RTN3: variants seen among roughly 807,000 people sequenced by gnomAD.
RTN3 encodes reticulon 3, also known as reticulon-3.
A neutral mutation model predicts 77.8 loss-of-function variants in RTN3; 49 were observed. The ratio of observed to expected loss-of-function variants is 0.63; its 90% confidence interval spans 0.50 to 0.80. The LOEUF (loss-of-function observed/expected upper bound fraction) is 0.80. Ranked by LOEUF, RTN3 falls within the 30% of genes least tolerant of loss-of-function variation. RTN3 has a pLI of 0.00. For synonymous variants in RTN3, 464 were observed against 446.9 expected, an observed-to-expected ratio of 1.04 and a Z score of -0.48; for missense variants, 1,236 against 1,211.9, an observed-to-expected ratio of 1.02 and a Z score of -0.29.
At chr11:63,749,949 G>T (rs771298758) in intron 3 of RTN3, 42 bp from the exon 4 acceptor site, 1 of 1,415,878 alleles carries the variant, frequency 7.1e-7, no homozygotes, top group Admixed American at 1.7e-5. Context: ...CATAGTAGCT[G>T]TGGATGTTTC....
chr11:63,752,939 A>G, intron 5 of RTN3, 130 bp from the exon 6 acceptor site: 1 of 936,820 alleles, frequency 1.1e-6, no homozygotes, highest in Non-Finnish European at 1.7e-6. Context: ...GGGAACCTTC[A>G]TTTGGAAATT....
intron 2 of RTN3, chr11:63,714,251 A>G (rs557999720): frequency 3.4e-5 from 12 of 349,358 alleles, no homozygotes; most frequent in Middle Eastern, 1.1e-3. Flanking sequence ...ACAGATGATG[A>G]TGCTACCTTA....
chr11:63,698,341 G>T (rs1942069265), intron 1 of RTN3, among the ~76,000 whole-genome samples: 2 of 151,974 alleles, frequency 1.3e-5, no homozygotes, highest in East Asian at 3.9e-4. Flanking sequence ...GCCCAGGCTG[G>T]TCTCAAACTG....
chr11:63,727,593 T>G (rs968533385), intron 3 of RTN3, among the ~76,000 whole-genome samples: 1 of 152,188 alleles, frequency 6.6e-6, no homozygotes, highest in African/African-American at 2.4e-5. Context: ...GTGAACTTGA[T>G]AGCATACTAA....
chr11:63,719,836 A>T lies in RTN3; in HGVS notation c.1334A>T (p.Asp445Val). 1 of 1,614,170 alleles carries T rather than the reference A, an allele frequency of 6.2e-7. No individual in the cohort carries two copies. The highest frequency in any genetic ancestry group is 8.5e-7 in the Non-Finnish European group (1 of 1,180,022). The change falls in exon 3 of 9, where the codon GAC becomes GTC. Residue 445 changes from aspartate (D) to valine (V), a missense_variant. Asp to Val is a radical substitution (Grantham distance 152, BLOSUM62 -3). Around this residue, in one of 3 missense-constraint regions of RTN3, gnomAD observed 1,056 missense variants for 990.4 expected, o/e 1.07. Coordinates refer to ENST00000377819, the MANE Select transcript of RTN3 (RefSeq NM_001265589.2). ...CAAGGCAATATGCAGAAACAGGATGACACACTTGCAGAATTACCTGGATCT... is the reference window on the plus strand; with the variant it reads ...CAAGGCAATATGCAGAAACAGGATGTCACACTTGCAGAATTACCTGGATCT... Reference protein sequence around the residue: ...GVQGNMQKQDDTLAELPGSPP... With the variant: ...GVQGNMQKQDVTLAELPGSPP...
intron 3 of RTN3, among the ~76,000 whole-genome samples, chr11:63,735,550 T>C (rs1014483495): frequency 2.6e-4 from 11 of 42,684 alleles, no homozygotes; most frequent in Non-Finnish European, 4.2e-4. Context: ...ATTCTAACAT[T>C]TCTCTCTCTC....
intron 3 of RTN3, among the ~76,000 whole-genome samples, chr11:63,745,626 C>T (rs977881705): frequency 2.5e-4 from 38 of 152,162 alleles, no homozygotes; most frequent in Admixed American, 2.4e-3. Context: ...TATCCCAGAC[C>T]ATAATTCCAC....
intron 8 of RTN3, among the ~76,000 whole-genome samples, chr11:63,756,954 G>A (rs941544942): frequency 6.6e-6 from 1 of 152,228 alleles, no homozygotes; most frequent in Non-Finnish European, 1.5e-5. Flanking sequence ...GCTGAGGAGG[G>A]AGAATTGCTT....
At chr11:63,709,524 C>A (rs2134754098) in intron 2 of RTN3, among the ~76,000 whole-genome samples, 1 of 151,926 alleles carries the variant, frequency 6.6e-6, no homozygotes, top group Admixed American at 6.6e-5. Context: ...GAAGTTACAA[C>A]CCTGAACTTT....
At chr11:63,724,964 GT>G (rs1234985167) in intron 3 of RTN3, among the ~76,000 whole-genome samples, 208 of 125,960 alleles carry the variant, frequency 1.7e-3, no homozygotes, top group Middle Eastern at 3.9e-3. Flanking sequence ...TTAAAGTTTT[GT>G]TTTTTTTTTT....
chr11:63,692,814 TTTTC>T (rs200491042), intron 1 of RTN3, among the ~76,000 whole-genome samples: 1,677 of 152,192 alleles, frequency 0.011, 31 homozygotes, highest in African/African-American at 0.037. Flanking sequence ...ACCACTTTGG[TTTTC>T]TTTTTTGCAT....
intron 7 of RTN3, among the ~76,000 whole-genome samples, chr11:63,754,152 T>A (rs903907349): frequency 1.3e-5 from 2 of 151,838 alleles, no homozygotes; most frequent in African/African-American, 4.8e-5. Flanking sequence ...TGCAGTGGCC[T>A]GCACCTGTAG....
chr11:63,711,012 C>G (rs933293953), intron 2 of RTN3, among the ~76,000 whole-genome samples: 25 of 152,230 alleles, frequency 1.6e-4, no homozygotes, highest in Middle Eastern at 3.4e-3. Context: ...GGTGTGGTGG[C>G]TCACATCTGT....
chr11:63,734,970 T>C (rs369009235), intron 3 of RTN3, among the ~76,000 whole-genome samples: 28 of 152,274 alleles, frequency 1.8e-4, no homozygotes, highest in African/African-American at 6.0e-4. Context: ...GGGATAGATA[T>C]TAGGTTGATA....
chr11:63,752,610 C>G lies in RTN3; in HGVS notation c.2842C>G (p.Leu948Val). 4.3e-6 allele frequency: 7 copies of G among 1,614,012 alleles called. No individual in the cohort carries two copies. Among genetic ancestry groups the G allele is most frequent in the Non-Finnish European group, 5.9e-6 (7 of 1,179,950 alleles). The change falls in exon 5 of 9, where the codon CTC (leucine) becomes GTC (valine). Residue 948 changes from leucine to valine, a missense_variant. Transcript: ENST00000377819. ...CAGGGCCCTGAAACTCATTATTCGT[C>G]TCTTTCTGGTAGAAGATCTGGTTGA... ...INRALKLIIR[L>V]FLVEDLVDSL...
chr11:63,701,393 A>G (rs1248679464), intron 1 of RTN3, among the ~76,000 whole-genome samples: 2 of 152,034 alleles, frequency 1.3e-5, no homozygotes, highest in East Asian at 1.9e-4. Flanking sequence ...TAACATCTCA[A>G]TTTCTAAATT....
intron 7 of RTN3, 118 bp from the exon 8 acceptor site, chr11:63,755,994 T>C (rs914128838): frequency 2.8e-5 from 20 of 703,304 alleles, no homozygotes; most frequent in Non-Finnish European, 4.7e-5. Flanking sequence ...GGTGTTTTCA[T>C]TTTCTACACT....
intron 1 of RTN3, among the ~76,000 whole-genome samples, chr11:63,692,982 G>T (rs1941745391): frequency 1.3e-5 from 2 of 152,184 alleles, no homozygotes; most frequent in Non-Finnish European, 2.9e-5. Flanking sequence ...TATTGCCCAT[G>T]CTGGTCTTGA....
In RTN3 at chr11:63,752,797, A is replaced by T. The variant is rs1024382064; in HGVS notation, c.2877+152A>T. The T allele has an allele frequency of 5.4e-5, 46 of 855,032 alleles. No homozygotes were observed. The African/African-American group carries it at 5.7e-4, about 11-fold the overall frequency. 53.0% of individuals were successfully genotyped at this position (855,032 alleles called of 1,614,324 possible). Reference sequence around the variant, plus strand: ...ATAATGGGATAGGTGTCACTAGAGAAAGGTATAGCCTTCTGCTGGGGAACA... The same window carrying T: ...ATAATGGGATAGGTGTCACTAGAGATAGGTATAGCCTTCTGCTGGGGAACA... On this transcript the variant is annotated intron_variant, in intron 5 of 8. Coordinates refer to ENST00000377819, the MANE Select transcript of RTN3 (RefSeq NM_001265589.2).
Sources: gnomAD v4.1 joint callset for allele counts (sites outside exome capture counted in the v4.1 genomes callset) on GRCh38, gnomAD v4.1.1 for gene constraint, gnomAD v4.1.1 regional missense constraint, MANE v1.5 for transcripts, NCBI Gene and HGNC (gene_info 2026-07-23, HGNC 2026-07-21) for gene names.